Variants in CACNA2D3 observed in about 807,000 individuals in gnomAD.
CACNA2D3 encodes the protein voltage-dependent calcium channel subunit alpha-2/delta-3.
In CACNA2D3, 60 loss-of-function variants were observed where a neutral mutation model predicts 160.6. The ratio of observed to expected loss-of-function variants is 0.37; its 90% confidence interval spans 0.30 to 0.46. The LOEUF (loss-of-function observed/expected upper bound fraction) is 0.46. CACNA2D3 is among the 20% of genes least tolerant of loss of function. The pLI is 1.00. For missense variants in CACNA2D3, 1,205 were observed against 1,365.0 expected (o/e 0.88, Z 1.85); for synonymous variants, 558 against 492.9 (o/e 1.13, Z -1.75).
At chr3:54,731,145 T>C (rs555364883) in intron 11 of CACNA2D3, among the ~76,000 whole-genome samples, 2 of 152,342 alleles carry the variant, frequency 1.3e-5, no homozygotes, top group Non-Finnish European at 2.9e-5. Context: ...TATGTAGTTA[T>C]AGGTCGAAAT....
At chr3:54,393,348 T>G (rs1260991946) in intron 4 of CACNA2D3, among the ~76,000 whole-genome samples, 1 of 152,210 alleles carries the variant, frequency 6.6e-6, no homozygotes, top group Non-Finnish European at 1.5e-5. Flanking sequence ...CACTGTGTCC[T>G]GTCCCCTGTG....
chr3:54,427,786 A>G (rs974454323), intron 4 of CACNA2D3, among the ~76,000 whole-genome samples: 3 of 152,230 alleles, frequency 2.0e-5, no homozygotes, highest in Admixed American at 2.0e-4. Flanking sequence ...GACAGGTAGG[A>G]CATGGTATGG....
chr3:55,072,344 T>A (rs1448546753), intron 35 of CACNA2D3, among the ~76,000 whole-genome samples: 1 of 151,284 alleles, frequency 6.6e-6, no homozygotes, highest in Non-Finnish European at 1.5e-5. Flanking sequence ...ATCATTCTCA[T>A]GGATCATTCA....
chr3:54,841,118 A>G (rs570867947), intron 16 of CACNA2D3, among the ~76,000 whole-genome samples: 1 of 152,358 alleles, frequency 6.6e-6, no homozygotes, highest in African/African-American at 2.4e-5. Flanking sequence ...GATAATAATA[A>G]CTAAAATACA....
chr3:54,744,976 A>G (rs933803888), intron 11 of CACNA2D3, among the ~76,000 whole-genome samples: 1 of 152,242 alleles, frequency 6.6e-6, no homozygotes, highest in Non-Finnish European at 1.5e-5. Context: ...CCCACCTGGA[A>G]CAAATAATAC....
intron 13 of CACNA2D3, among the ~76,000 whole-genome samples, chr3:54,813,387 A>G (rs373353505): frequency 9.8e-5 from 15 of 152,320 alleles, no homozygotes; most frequent in African/African-American, 3.4e-4. Context: ...GATGATGAGA[A>G]GTGCCCAGGC....
chr3:54,624,982 C>T (rs34836904), intron 9 of CACNA2D3, among the ~76,000 whole-genome samples: 22,679 of 152,210 alleles, frequency 0.15, 1,791 homozygotes, highest in South Asian at 0.27. Context: ...TCCTTGGACT[C>T]GGTTAATTGC....
At chr3:54,289,232 C>G (rs1440695094) in intron 2 of CACNA2D3, among the ~76,000 whole-genome samples, 1 of 151,878 alleles carries the variant, frequency 6.6e-6, no homozygotes, top group Non-Finnish European at 1.5e-5. Context: ...AATCAATGCA[C>G]AAAAATCACA....
chr3:54,215,740 T>C (rs1308468198), intron 2 of CACNA2D3, among the ~76,000 whole-genome samples: 1 of 152,172 alleles, frequency 6.6e-6, no homozygotes, highest in African/African-American at 2.4e-5. Flanking sequence ...ATCACCCTAG[T>C]GCCCCTAGGT....
intron 13 of CACNA2D3, among the ~76,000 whole-genome samples, chr3:54,769,215 A>G (rs1702275187): frequency 6.6e-6 from 1 of 152,138 alleles, no homozygotes; most frequent in African/African-American, 2.4e-5. Flanking sequence ...CACCCAGAAG[A>G]TCAAGGGGGA....
chr3:54,872,766 T>C (rs1260280766), intron 18 of CACNA2D3, among the ~76,000 whole-genome samples: 2 of 152,224 alleles, frequency 1.3e-5, no homozygotes, highest in African/African-American at 2.4e-5. Flanking sequence ...TAAACCCAAG[T>C]TTAGACAAAA....
intron 27 of CACNA2D3, chr3:54,925,321 A>C (rs1038160589): frequency 4.7e-6 from 4 of 845,158 alleles, no homozygotes; most frequent in Non-Finnish European, 7.4e-6. Context: ...AGCCAGGTGA[A>C]ACCTTCTACA....
chr3:54,440,926 G>A lies in CACNA2D3; in HGVS notation c.381+54152G>A, dbSNP rs1407323177. Among the ~76,000 whole-genome samples the A allele has an allele frequency of 2.6e-5, 4 of 152,150 alleles. No homozygotes were observed. The East Asian group carries it at 7.7e-4, about 29-fold the overall frequency. Reference sequence around the variant, plus strand: ...CTTGGTTCCAAGTCTTTGCTATCGTGAATAGTGCCACCGTAAACATACGTG... The same window carrying A: ...CTTGGTTCCAAGTCTTTGCTATCGTAAATAGTGCCACCGTAAACATACGTG... On this transcript the variant is annotated intron_variant, in intron 4 of 37. Coordinates refer to ENST00000474759, the MANE Select transcript of CACNA2D3 (RefSeq NM_018398.3).
intron 10 of CACNA2D3, among the ~76,000 whole-genome samples, chr3:54,628,406 C>A (rs1449632530): frequency 1.3e-5 from 2 of 152,068 alleles, no homozygotes; most frequent in South Asian, 2.1e-4. Flanking sequence ...GGAATGAGAC[C>A]ATGGAAGCAG....
At chr3:54,748,813 G>A (rs1163096024) in intron 11 of CACNA2D3, among the ~76,000 whole-genome samples, 1 of 152,168 alleles carries the variant, frequency 6.6e-6, no homozygotes, top group Admixed American at 6.5e-5. Context: ...ACCACTGAAA[G>A]TTTGTTACGT....
chr3:54,230,111 CTAT>C (rs1156815351), intron 2 of CACNA2D3, among the ~76,000 whole-genome samples: 1 of 149,406 alleles, frequency 6.7e-6, no homozygotes, highest in African/African-American at 2.5e-5. Flanking sequence ...ACACACAGTG[CTAT>C]TAAGTCATTT....
intron 13 of CACNA2D3, among the ~76,000 whole-genome samples, chr3:54,810,870 G>T (rs781524681): frequency 6.6e-6 from 1 of 152,172 alleles, no homozygotes; most frequent in Non-Finnish European, 1.5e-5. Context: ...ACAAAAACAT[G>T]TCCCTCTGCT....
At chr3:54,939,322 C>G (rs1575392711) in intron 27 of CACNA2D3, among the ~76,000 whole-genome samples, 1 of 152,160 alleles carries the variant, frequency 6.6e-6, no homozygotes, top group Non-Finnish European at 1.5e-5. Flanking sequence ...TGCCTGAGAC[C>G]CAATTTCTAA....
At chr3:54,876,158 A>G (rs1358904890) in intron 18 of CACNA2D3, 6 of 152,110 alleles carry the variant, frequency 3.9e-5, no homozygotes, top group Non-Finnish European at 7.4e-5. Flanking sequence ...AAAGCAGTGA[A>G]CATCTTGCCC....
Sources: allele counts gnomAD v4.1 joint callset (sites outside exome capture counted in the v4.1 genomes callset), GRCh38; gene constraint gnomAD v4.1.1; transcripts MANE v1.5; gene names NCBI Gene and HGNC (gene_info 2026-07-23, HGNC 2026-07-21).